Variants in ZNF875 observed in about 807,000 individuals in gnomAD.
The protein encoded by ZNF875 is HKR1, GLI-Kruppel zinc finger family member.
A neutral mutation model predicts 11.2 loss-of-function variants in ZNF875; 14 were observed. That is an observed-to-expected ratio of 1.26 (90% CI 0.83 to 1.96). The LOEUF (loss-of-function observed/expected upper bound fraction) is 1.96. ZNF875 is among the 30% of genes most tolerant of loss of function. The probability of loss-of-function intolerance (pLI) is 0.00; values close to 1 mark genes in which losing one functional copy is unlikely to be tolerated. For synonymous variants in ZNF875, 301 were observed against 281.1 expected, an observed-to-expected ratio of 1.07 and a Z score of -0.71; for missense variants, 752 against 760.4, an observed-to-expected ratio of 0.99 and a Z score of 0.13.
Position 37,362,281 on chromosome 19 carries a change from G to GAA in ZNF875, c.429_430insAA (p.Asp144LysfsTer26). ...ATCCAGAAGATCAGAAACAACAGCAGGATCCATTCTGCTTTAGTGGCAAAG... is the reference window on the plus strand; with the variant it reads ...ATCCAGAAGATCAGAAACAACAGCAGAAGATCCATTCTGCTTTAGTGGCAAAG... On this transcript the variant is annotated frameshift_variant, in exon 5 of 5. Transcript: ENST00000392153. LOFTEE classifies it low-confidence loss of function (END_TRUNC). The GAA allele has an allele frequency of 1.2e-6, 2 of 1,614,140 alleles. No homozygotes were observed. Among genetic ancestry groups the GAA allele is most frequent in the Non-Finnish European group, 1.7e-6 (2 of 1,180,000 alleles).
In ZNF875 at chr19:37,363,865, T is replaced by A; in HGVS notation, c.*90T>A. ...AGAGGACACACACAGTGCTGTGGCT[T>A]TTTCAGCCATTGCTAGATACCAAAG... On this transcript the variant is annotated 3_prime_UTR_variant, in exon 5 of 5. Coordinates refer to ENST00000392153, the MANE Select transcript of ZNF875 (RefSeq NM_001353803.2). The A allele has an allele frequency of 9.4e-7, 1 of 1,060,742 alleles. No homozygotes were observed. The highest frequency in any genetic ancestry group is 1.4e-6 in the Non-Finnish European group (1 of 712,998). 65.7% of individuals were successfully genotyped at this position (1,060,742 alleles called of 1,614,324 possible).
chr19:37,350,608 CT>C (rs910625854), intron 4 of ZNF875, among the ~76,000 whole-genome samples: 35 of 151,638 alleles, frequency 2.3e-4, no homozygotes, highest in Non-Finnish European at 4.0e-4. Flanking sequence ...TGCATGTACT[CT>C]TTTTTTTAAT....
intron 1 of ZNF875, among the ~76,000 whole-genome samples, chr19:37,318,994 CA>C (rs756679739): frequency 2.6e-4 from 40 of 151,578 alleles, no homozygotes; most frequent in Non-Finnish European, 4.6e-4. Flanking sequence ...GTGAAAGAAA[CA>C]ACCAGTTAAG....
chr19:37,355,136 G>A (rs1361308471), intron 4 of ZNF875, among the ~76,000 whole-genome samples: 1 of 152,028 alleles, frequency 6.6e-6, no homozygotes, highest in African/African-American at 2.4e-5. Flanking sequence ...ACATATGTAT[G>A]TATGTGTATA....
intron 3 of ZNF875, 23 bp from the exon 4 acceptor site, chr19:37,347,754 C>G (rs771845395): frequency 8.6e-6 from 13 of 1,512,694 alleles, no homozygotes; most frequent in Middle Eastern, 1.7e-4. Flanking sequence ...CAACAATGTC[C>G]TCATTTTCTT....
upstream of ZNF875, among the ~76,000 whole-genome samples, chr19:37,329,815 G>A (rs1463039007): frequency 6.6e-6 from 1 of 152,118 alleles, no homozygotes; most frequent in East Asian, 1.9e-4. Flanking sequence ...GGAGGTTCCA[G>A]CTTTTCCTGG....
intron 4 of ZNF875, chr19:37,329,135 G>A (rs1426421556): frequency 1.3e-5 from 2 of 152,178 alleles, no homozygotes; most frequent in African/African-American, 2.4e-5. Context: ...CCGAATCACT[G>A]ACACACACAT....
intron 1 of ZNF875, 43 bp downstream of exon 1, chr19:37,334,825 C>T (rs1241910284): frequency 1.3e-5 from 6 of 458,800 alleles, no homozygotes; most frequent in Non-Finnish European, 2.6e-5. Context: ...CTGCGTGTCC[C>T]TGTGTTACGG....
intron 4 of ZNF875, among the ~76,000 whole-genome samples, chr19:37,325,529 AATT>A: frequency 6.6e-6 from 1 of 151,974 alleles, no homozygotes; most frequent in Middle Eastern, 3.4e-3. Flanking sequence ...TCAAAATAAA[AATT>A]ATTAATGAAA....
At chr19:37,327,414 T>C (rs1422939885) in intron 4 of ZNF875, among the ~76,000 whole-genome samples, 13 of 152,156 alleles carry the variant, frequency 8.5e-5, no homozygotes, top group Non-Finnish European at 1.8e-4. Context: ...TCATTGAACA[T>C]TTTTGGTAAT....
At chr19:37,340,644 CTT>C (rs386388968) in intron 2 of ZNF875, among the ~76,000 whole-genome samples, 8 of 104,712 alleles carry the variant, frequency 7.6e-5, no homozygotes, top group African/African-American at 2.0e-4. Flanking sequence ...CTTATGTGTA[CTT>C]TTTTTTTTTT....
upstream of ZNF875, among the ~76,000 whole-genome samples, chr19:37,332,414 G>C (rs930744870): frequency 6.6e-6 from 1 of 151,886 alleles, no homozygotes; most frequent in Admixed American, 6.6e-5. Context: ...ATGGGGTTTC[G>C]CAATGTTGGC....
At chr19:37,356,317 T>C (rs1052446811) in intron 4 of ZNF875, among the ~76,000 whole-genome samples, 9 of 152,232 alleles carry the variant, frequency 5.9e-5, no homozygotes, top group Non-Finnish European at 1.3e-4. Flanking sequence ...AGTTCTATTT[T>C]TAGTTCCTTG....
chr19:37,318,545 A>C (rs1292818456), intron 1 of ZNF875, among the ~76,000 whole-genome samples: 1 of 148,658 alleles, frequency 6.7e-6, no homozygotes, highest in Non-Finnish European at 1.5e-5. Flanking sequence ...TTTTTGAGAC[A>C]GAGTCTCGCT....
At chr19:37,342,361 T>C (rs1365172907) in intron 2 of ZNF875, among the ~76,000 whole-genome samples, 2 of 152,140 alleles carry the variant, frequency 1.3e-5, no homozygotes, top group Admixed American at 6.5e-5. Flanking sequence ...CTTCTTCAGC[T>C]CTTCTGTTTC....
chr19:37,347,172 G>T lies in ZNF875; in HGVS notation c.34-18G>T, dbSNP rs745919867. ...AAGACAGGCTCCTGGGTGAGCAGAGGTGTGTTTTGTGTTAAAGGCGTTCGT... is the reference window on the plus strand; with the variant it reads ...AAGACAGGCTCCTGGGTGAGCAGAGTTGTGTTTTGTGTTAAAGGCGTTCGT... On this transcript the variant is annotated intron_variant, in intron 2 of 4. Coordinates refer to ENST00000392153, the MANE Select transcript of ZNF875 (RefSeq NM_001353803.2). 3.7e-6 allele frequency: 6 copies of T among 1,613,656 alleles called. No individual in the cohort carries two copies. In the Admixed American group the frequency reaches 1.0e-4, roughly 27 times the overall value.
At chr19:37,346,871 T>C in intron 2 of ZNF875, 1 of 276,128 alleles carries the variant, frequency 3.6e-6, no homozygotes, top group Non-Finnish European at 7.0e-6. Flanking sequence ...CATTCTTTTT[T>C]TTTTTTTTTG....
intron 3 of ZNF875, 184 bp downstream of exon 3, chr19:37,347,500 A>G: frequency 1.6e-6 from 1 of 627,692 alleles, no homozygotes; most frequent in Admixed American, 3.0e-5. Context: ...TATTCATGTT[A>G]TGGATGACAC....
chr19:37,347,348 T>C (rs750902219), intron 3 of ZNF875, 32 bp downstream of exon 3: 265 of 1,592,172 alleles, frequency 1.7e-4, no homozygotes, highest in Non-Finnish European at 2.1e-4. Flanking sequence ...ACTTAAAATC[T>C]GCCCTACAGA....
Sources: gnomAD v4.1 joint callset for allele counts (sites outside exome capture counted in the v4.1 genomes callset) on GRCh38, gnomAD v4.1.1 for gene constraint, MANE v1.5 for transcripts, NCBI Gene and HGNC (gene_info 2026-07-23, HGNC 2026-07-21) for gene names.